Variants in GABRB2 observed in about 807,000 individuals in gnomAD.
GABRB2 encodes gamma-aminobutyric acid type A receptor subunit beta2.
GABRB2 carries 16 observed loss-of-function variants against 54.7 expected under a neutral mutation model. That is an observed-to-expected ratio of 0.29 (90% confidence interval 0.20 to 0.44). The LOEUF (loss-of-function observed/expected upper bound fraction) is 0.44, where lower values mean the gene tolerates loss of function less well. GABRB2 is among the 20% of genes least tolerant of loss of function. The pLI is 1.00. For missense variants in GABRB2, 355 were observed against 644.0 expected (o/e 0.55, Z 4.86); for synonymous variants, 244 against 233.8 (o/e 1.04, Z -0.40).
At chr5:161,294,726 A>G (rs142113282) in intron 9 of GABRB2, among the ~76,000 whole-genome samples, 1 of 152,220 alleles carries the variant, frequency 6.6e-6, no homozygotes, top group South Asian at 2.1e-4. Flanking sequence ...GCACGCAGAG[A>G]AATCGAAGGC....
chr5:161,427,101 G>A (rs928629028), intron 4 of GABRB2, among the ~76,000 whole-genome samples: 1 of 152,056 alleles, frequency 6.6e-6, no homozygotes, highest in African/African-American at 2.4e-5. Context: ...CAAAACCTAT[G>A]GCAAAGGGCT....
At position 161,291,088 on chromosome 5, in the gene GABRB2, G is replaced by T. The variant is rs1757225076; in HGVS notation, c.*2993C>A. On this transcript the variant is annotated 3_prime_UTR_variant, in exon 10 of 10. Transcript: ENST00000393959. ...GCAAACACATGATTATGTTGCATGA[G>T]TTTTCAACTCTGAAATGCATTTCAT... is the stretch of plus-strand genomic sequence containing the variant. The T allele has an allele frequency of 6.6e-6, 1 of 152,478 alleles. No individual in the cohort carries two copies. The highest frequency in any genetic ancestry group is 1.5e-5 in the Non-Finnish European group (1 of 68,014). The allele number at this position is 152,478 out of a possible 1,614,324, so 9.4% of individuals were successfully genotyped here. A position where few individuals can be genotyped will look rare whatever the true frequency, so the allele number is the denominator to read the frequency against.
chr5:161,291,422 T>G lies in GABRB2; in HGVS notation c.*2659A>C, dbSNP rs1021307252. ...CCCTCCTCGCATTTGATGACTGCAT[T>G]TCATTTCAACGAAACATATATTTAA... On this transcript the variant is annotated 3_prime_UTR_variant, in exon 10 of 10. Coordinates refer to ENST00000393959, the MANE Select transcript of GABRB2 (RefSeq NM_001371727.1). The G allele has an allele frequency of 2.6e-5, 4 of 152,164 alleles. No homozygotes were observed. The highest frequency in any genetic ancestry group is 7.2e-5 in the African/African-American group (3 of 41,452). The allele number at this position is 152,164 out of a possible 1,614,324, so 9.4% of individuals were successfully genotyped here.
At chr5:161,522,120 G>A (rs939784670) in intron 3 of GABRB2, among the ~76,000 whole-genome samples, 6 of 151,720 alleles carry the variant, frequency 4.0e-5, no homozygotes, top group Admixed American at 1.3e-4. Context: ...GTCATTTTCT[G>A]TATATGAATC....
chr5:161,347,955 TG>T (rs1754366440), intron 5 of GABRB2, among the ~76,000 whole-genome samples: 1 of 152,084 alleles, frequency 6.6e-6, no homozygotes, highest in Admixed American at 6.6e-5. Flanking sequence ...ACTGATTTTA[TG>T]AATATTATAG....
At chr5:161,537,698 T>A (rs1042447025) in intron 3 of GABRB2, among the ~76,000 whole-genome samples, 7 of 152,190 alleles carry the variant, frequency 4.6e-5, no homozygotes. Flanking sequence ...TTCAGAACCA[T>A]CTTCGATAGG....
chr5:161,418,022 G>A (rs1756731389), intron 4 of GABRB2, among the ~76,000 whole-genome samples: 1 of 152,138 alleles, frequency 6.6e-6, no homozygotes, highest in African/African-American at 2.4e-5. Flanking sequence ...GTACTCTTCT[G>A]CAGCTGTTTG....
At chr5:161,505,544 T>C (rs1759579832) in intron 3 of GABRB2, among the ~76,000 whole-genome samples, 2 of 152,178 alleles carry the variant, frequency 1.3e-5, no homozygotes, top group East Asian at 3.9e-4. Context: ...AAATCTTTAA[T>C]AAAATATTTA....
chr5:161,418,933 C>T (rs116670232), intron 4 of GABRB2, among the ~76,000 whole-genome samples: 1 of 152,084 alleles, frequency 6.6e-6, no homozygotes, highest in Non-Finnish European at 1.5e-5. Context: ...TCGAGACCAG[C>T]GGGGGAAGCA....
At chr5:161,316,936 C>T (rs758329395) in intron 9 of GABRB2, among the ~76,000 whole-genome samples, 1 of 152,058 alleles carries the variant, frequency 6.6e-6, no homozygotes, top group Non-Finnish European at 1.5e-5. Flanking sequence ...CATTAGAAAT[C>T]ACTAGAAACG....
intron 5 of GABRB2, among the ~76,000 whole-genome samples, chr5:161,340,789 A>G (rs1754134793): frequency 6.6e-6 from 1 of 152,022 alleles, no homozygotes; most frequent in African/African-American, 2.4e-5. Context: ...TTTATGTCCC[A>G]TTTTGTGGTT....
chr5:161,376,058 T>A (rs1755284929), intron 5 of GABRB2, among the ~76,000 whole-genome samples: 1 of 152,162 alleles, frequency 6.6e-6, no homozygotes. Flanking sequence ...CATAATACCC[T>A]CAGGATTTAG....
intron 5 of GABRB2, among the ~76,000 whole-genome samples, chr5:161,363,238 T>A (rs1486289243): frequency 6.6e-6 from 1 of 152,110 alleles, no homozygotes; most frequent in Non-Finnish European, 1.5e-5. Context: ...GGGACATGGA[T>A]GAAGCTGGAA....
chr5:161,499,997 G>T (rs1463229463), intron 3 of GABRB2, among the ~76,000 whole-genome samples: 3 of 152,114 alleles, frequency 2.0e-5, no homozygotes, highest in Non-Finnish European at 4.4e-5. Context: ...AATAAAACAA[G>T]CCAAGTGGTT....
intron 9 of GABRB2, among the ~76,000 whole-genome samples, chr5:161,310,707 T>A (rs559054941): frequency 6.7e-4 from 102 of 151,958 alleles, no homozygotes; most frequent in African/African-American, 2.4e-3. Context: ...ACAGATTTTT[T>A]AATATCTTTT....
At chr5:161,368,103 A>G (rs1294991185) in intron 5 of GABRB2, among the ~76,000 whole-genome samples, 4 of 100,410 alleles carry the variant, frequency 4.0e-5, no homozygotes, top group South Asian at 3.4e-4. Context: ...TTATAATCCA[A>G]TTCTCCCTCT....
At chr5:161,328,000 A>G (rs1383012460) in intron 8 of GABRB2, among the ~76,000 whole-genome samples, 1 of 152,206 alleles carries the variant, frequency 6.6e-6, no homozygotes. Flanking sequence ...ATGCTGGGTG[A>G]ACAAAGAAAT....
At chr5:161,505,323 G>T (rs1030117653) in intron 3 of GABRB2, among the ~76,000 whole-genome samples, 1 of 151,890 alleles carries the variant, frequency 6.6e-6, no homozygotes, top group African/African-American at 2.4e-5. Context: ...TAGAGACAGG[G>T]TTTCACCATG....
intron 8 of GABRB2, chr5:161,329,462 A>C (rs530068010): frequency 1.3e-5 from 2 of 152,290 alleles, no homozygotes; most frequent in Admixed American, 1.3e-4. Context: ...TAAAATTTGC[A>C]TTGTTGCAAA....
Sources: allele counts gnomAD v4.1 joint callset (sites outside exome capture counted in the v4.1 genomes callset), GRCh38; gene constraint gnomAD v4.1.1; transcripts MANE v1.5; gene names NCBI Gene and HGNC (gene_info 2026-07-23, HGNC 2026-07-21).